IQUB: variants seen among roughly 807,000 people sequenced by gnomAD.
The protein encoded by IQUB is IQ motif and ubiquitin domain containing, also known as IQ motif and ubiquitin-like domain-containing protein.
A neutral mutation model predicts 86.4 loss-of-function variants in IQUB; 86 were observed. The observed-to-expected ratio is 1.00, with a 90% confidence interval of 0.84 to 1.19. The LOEUF is 1.19. Among genes scored for constraint, IQUB ranks in the 50% most tolerant of loss-of-function variants. The pLI is 0.00. For missense variants in IQUB, 946 were observed against 916.9 expected, an observed-to-expected ratio of 1.03 and a Z score of -0.41; for synonymous variants, 289 against 304.5, an observed-to-expected ratio of 0.95 and a Z score of 0.53.
chr7:123,498,483 T>TGAAA, intron 6 of IQUB, among the ~76,000 whole-genome samples: 1 of 152,198 alleles, frequency 6.6e-6, no homozygotes, highest in Admixed American at 6.5e-5. Context: ...AATTTTATTT[T>TGAAA]TGAAATTTAA....
chr7:123,483,014 T>C lies in IQUB; in HGVS notation c.1235-3044A>G, dbSNP rs139356516. ...CATCAGCATGTATCATAAGTTTCAG[T>C]TCATTCCAGGTTTTTTTGGATTTTC... is the stretch of plus-strand genomic sequence containing the variant. On this transcript the variant is annotated intron_variant, in intron 7 of 12. Coordinates refer to ENST00000324698, the MANE Select transcript of IQUB (RefSeq NM_178827.5). Among the ~76,000 whole-genome samples the C allele has an allele frequency of 5.0e-4, 76 of 152,260 alleles. 1 individual carries two copies. Among genetic ancestry groups the C allele is most frequent in the African/African-American group, 1.8e-3 (75 of 41,572 alleles).
intron 10 of IQUB, among the ~76,000 whole-genome samples, chr7:123,463,634 G>GAAA (rs1372159815): frequency 4.0e-5 from 6 of 151,722 alleles, no homozygotes; most frequent in Non-Finnish European, 8.9e-5. Flanking sequence ...GGAAGTTAGG[G>GAAA]AAAAAGCTGA....
intron 10 of IQUB, among the ~76,000 whole-genome samples, chr7:123,462,073 G>A (rs957874740): frequency 4.0e-5 from 6 of 151,706 alleles, no homozygotes; most frequent in Non-Finnish European, 8.9e-5. Flanking sequence ...AATTTTCAAA[G>A]TTTGAAATTC....
chr7:123,463,151 C>CTT (rs1169014577), intron 10 of IQUB, among the ~76,000 whole-genome samples: 2 of 151,654 alleles, frequency 1.3e-5, no homozygotes, highest in African/African-American at 2.4e-5. Flanking sequence ...ACTTTAAATA[C>CTT]TTTATCTTAA....
rs1794183407 is a variant in IQUB at position 123,465,031 on chromosome 7, A to G, written c.1582-22T>C. 4 of 1,436,638 alleles carry G rather than the reference A, an allele frequency of 2.8e-6. No homozygotes were observed. In the African/African-American group the frequency reaches 4.4e-5, roughly 16 times the overall value. The allele number at this position is 1,436,638 out of a possible 1,614,324, so 89.0% of individuals were successfully genotyped here. A position where few individuals can be genotyped will look rare whatever the true frequency, so the allele number is the denominator to read the frequency against. On this transcript the variant is annotated intron_variant, in intron 9 of 12. Coordinates refer to ENST00000324698, the MANE Select transcript of IQUB (RefSeq NM_178827.5). Reference sequence around the variant, plus strand: ...GTTCCTATATAAAACACAAAAATATATGGTATAAAATTTTACAAATCACTA... The same window carrying G: ...GTTCCTATATAAAACACAAAAATATGTGGTATAAAATTTTACAAATCACTA...
In IQUB at chr7:123,511,964, A is replaced by T. The variant is rs1313576018; in HGVS notation, c.377T>A (p.Val126Glu). 1 of 1,605,094 alleles carries T rather than the reference A, an allele frequency of 6.2e-7. No individual in the cohort carries two copies. The highest frequency in any genetic ancestry group is 1.3e-5 in the African/African-American group (1 of 74,736). The change falls in exon 2 of 13, where the codon GTG becomes GAG. Residue 126 changes from valine to glutamate, a missense_variant. Physicochemically the swap from Val to Glu is moderately radical, Grantham distance 121. Transcript: ENST00000324698. ...KSVKESLQES[V>E]EDSLATVKVV... ...AGTACCTGTTGCTAGAGAATCTTCC[A>T]CTGATTCTTGCAAAGATTCCTTTAC... is the stretch of plus-strand genomic sequence containing the variant.
In IQUB at chr7:123,522,271, G is replaced by T. The variant is rs1178382836; in HGVS notation, c.-4-9927C>A. ...GGTGTTTCCCCTGTTGGACTGGGTG[G>T]GGCTTGGGAAATTGGCACAAACTTG... On this transcript the variant is annotated intron_variant, in intron 1 of 12. Transcript: ENST00000324698. 2.0e-5 allele frequency among the ~76,000 whole-genome samples: 3 copies of T among 152,182 alleles called. No homozygotes were observed. The South Asian group carries it at 6.2e-4, about 31-fold the overall frequency.
intron 7 of IQUB, among the ~76,000 whole-genome samples, chr7:123,492,211 A>G (rs1304157113): frequency 1.3e-5 from 2 of 152,254 alleles, no homozygotes; most frequent in Admixed American, 1.3e-4. Context: ...GCATTTTGTT[A>G]TAGTAGCCTG....
chr7:123,475,867 T>G (rs1289319745), intron 8 of IQUB, among the ~76,000 whole-genome samples: 1 of 152,200 alleles, frequency 6.6e-6, no homozygotes, highest in Non-Finnish European at 1.5e-5. Context: ...AGCAATTTGC[T>G]AAACAAATAG....
Position 123,496,826 on chromosome 7 carries a change from T to C in IQUB, c.1104A>G (p.Arg368=). Reference sequence around the variant, plus strand: ...GTTCTTGCTGTGTTTCCCATTCCAGTCTTAAGCTTTTCTGTCTTCTTAAAT... The same window carrying C: ...GTTCTTGCTGTGTTTCCCATTCCAGCCTTAAGCTTTTCTGTCTTCTTAAAT... ...VENLRRQKSL[R]LEWETQQELR... is the part of the protein sequence containing the mutation. Residue 368 remains arginine (R), a synonymous_variant, in exon 7 of 13, where the codon AGA becomes AGG. Transcript: ENST00000324698. 1 of 1,612,890 alleles carries C rather than the reference T, an allele frequency of 6.2e-7. No individual in the cohort carries two copies.
chr7:123,474,711 C>T (rs995387977), intron 8 of IQUB, among the ~76,000 whole-genome samples: 3 of 152,150 alleles, frequency 2.0e-5, no homozygotes, highest in Non-Finnish European at 4.4e-5. Context: ...TGGGAGTTAT[C>T]GTCAAGTGTA....
In IQUB at chr7:123,452,284, T is replaced by C. The variant is rs1000462562; in HGVS notation, c.*459A>G. On this transcript the variant is annotated 3_prime_UTR_variant, in exon 13 of 13. Coordinates refer to ENST00000324698, the MANE Select transcript of IQUB (RefSeq NM_178827.5). ...AAAGATTCAAATGCCTATACTAAAA[T>C]ATAAATTTTTTTATCCTACTTAAAG... The C allele has an allele frequency of 6.6e-6, 1 of 152,216 alleles. No homozygotes were observed. Among genetic ancestry groups the C allele is most frequent in the Non-Finnish European group, 1.5e-5 (1 of 68,064 alleles). The allele number at this position is 152,216 out of a possible 1,614,324, so 9.4% of individuals were successfully genotyped here. A position where few individuals can be genotyped will look rare whatever the true frequency, so the allele number is the denominator to read the frequency against.
In IQUB at chr7:123,504,493, G is replaced by A. The variant is rs75992122; in HGVS notation, c.533-1130C>T. Among the ~76,000 whole-genome samples, 1,264 of 152,240 alleles carry A rather than the reference G, an allele frequency of 8.3e-3. 18 individuals are homozygous for A. Among genetic ancestry groups the A allele is most frequent in the African/African-American group, 0.029 (1,210 of 41,550 alleles). On this transcript the variant is annotated intron_variant, in intron 3 of 12. Coordinates refer to ENST00000324698, the MANE Select transcript of IQUB (RefSeq NM_178827.5). Reference sequence around the variant, plus strand: ...CGTTTAACTGGCTCACCATTCCACAGGCTGTATGGGAGCATGGCTGGGGAG... The same window carrying A: ...CGTTTAACTGGCTCACCATTCCACAAGCTGTATGGGAGCATGGCTGGGGAG...
chr7:123,480,287 T>C (rs1794947685), intron 7 of IQUB, among the ~76,000 whole-genome samples: 1 of 152,120 alleles, frequency 6.6e-6, no homozygotes, highest in African/African-American at 2.4e-5. Context: ...GAGCGTGCAC[T>C]GTTCACATCT....
intron 6 of IQUB, chr7:123,501,941 TA>T (rs1217503406): frequency 3.3e-5 from 5 of 152,226 alleles, no homozygotes; most frequent in Admixed American, 3.3e-4. Flanking sequence ...AAGCCTGCTA[TA>T]AAGTTAACCC....
chr7:123,479,764 T>A (rs762132659), intron 8 of IQUB, 31 bp downstream of exon 8: 1 of 1,510,254 alleles, frequency 6.6e-7, no homozygotes. Context: ...TCAGAATACA[T>A]TCATATTTAA....
intron 10 of IQUB, among the ~76,000 whole-genome samples, chr7:123,463,689 A>T (rs1215669878): frequency 6.6e-6 from 1 of 151,742 alleles, no homozygotes; most frequent in Non-Finnish European, 1.5e-5. Context: ...TGATAGGACC[A>T]TTTCTTATTT....
chr7:123,455,102 C>A (rs568289369), intron 12 of IQUB, among the ~76,000 whole-genome samples: 25 of 151,914 alleles, frequency 1.6e-4, no homozygotes, highest in Non-Finnish European at 3.1e-4. Flanking sequence ...TTCATTCAGT[C>A]GTTTTTTAAA....
chr7:123,534,292 A>C (rs1797662255), intron 1 of IQUB, among the ~76,000 whole-genome samples, 200 bp downstream of exon 1: 1 of 152,164 alleles, frequency 6.6e-6, no homozygotes, highest in Admixed American at 6.5e-5. Context: ...GAAGCCAAAA[A>C]AGGAGCCGAG....
Sources: allele counts gnomAD v4.1 joint callset (sites outside exome capture counted in the v4.1 genomes callset), GRCh38; gene constraint gnomAD v4.1.1; transcripts MANE v1.5; gene names NCBI Gene and HGNC (gene_info 2026-07-23, HGNC 2026-07-21).